The following C14orf39 variants were observed in gnomAD, a reference collection of about 807,000 sequenced individuals.
C14orf39 encodes chromosome 14 open reading frame 39.
Under a neutral mutation model 85.6 loss-of-function variants are expected in C14orf39, and 66 were observed. The observed-to-expected ratio is 0.77, with a 90% CI of 0.63 to 0.95. C14orf39 has a LOEUF of 0.95. C14orf39 is among the 40% of genes least tolerant of loss of function. The pLI is 0.00. For synonymous variants in C14orf39, 242 were observed against 214.0 expected (o/e 1.13, Z -1.14); for missense variants, 735 against 663.9 (o/e 1.11, Z -1.18).
At chr14:60,511,028 G>C in intron 1 of C14orf39, 5 of 1,568,688 alleles carry the variant, frequency 3.2e-6, no homozygotes, top group Non-Finnish European at 4.3e-6. Flanking sequence ...TGGTGGGGGC[G>C]GGCGACGGGC....
intron 5 of C14orf39, among the ~76,000 whole-genome samples, chr14:60,474,860 C>G (rs775527008): frequency 5.7e-4 from 86 of 152,092 alleles, no homozygotes; most frequent in Non-Finnish European, 5.9e-4. Flanking sequence ...GTCTAAAATT[C>G]TCTTTTTTTG....
chr14:60,479,725 AAAGC>A (rs989952966), intron 4 of C14orf39, among the ~76,000 whole-genome samples: 1 of 152,174 alleles, frequency 6.6e-6, no homozygotes, highest in Non-Finnish European at 1.5e-5. Context: ...GTAACTTTAA[AAAGC>A]AAGTTGCAGA....
At chr14:60,493,173 C>T (rs1893017607) in intron 2 of C14orf39, among the ~76,000 whole-genome samples, 1 of 152,204 alleles carries the variant, frequency 6.6e-6, no homozygotes, top group Admixed American at 6.5e-5. Context: ...GCAACACACA[C>T]ATTGACTCCC....
intron 1 of C14orf39, chr14:60,509,471 G>A: frequency 1.9e-6 from 3 of 1,600,814 alleles, no homozygotes; most frequent in East Asian, 2.2e-5. Context: ...GGAAGAGAGC[G>A]GCGATGTGGA....
intron 5 of C14orf39, among the ~76,000 whole-genome samples, chr14:60,475,644 G>C (rs1354531816): frequency 1.3e-5 from 2 of 152,118 alleles, no homozygotes; most frequent in African/African-American, 4.8e-5. Flanking sequence ...TAATAGGAGA[G>C]TGGAGTAGTC....
At chr14:60,456,835 T>TA in intron 15 of C14orf39, 82 bp downstream of exon 15, 2 of 1,243,552 alleles carry the variant, frequency 1.6e-6, no homozygotes, top group Non-Finnish European at 2.2e-6. Context: ...TTAAAGGTAC[T>TA]AAGCATTTTA....
At chr14:60,468,415 A>G (rs995227940) in intron 9 of C14orf39, 30 bp downstream of exon 9, 1 of 1,377,784 alleles carries the variant, frequency 7.3e-7, no homozygotes. Flanking sequence ...ATCTGTTCAC[A>G]TAAAATTTAA....
intron 4 of C14orf39, 47 bp downstream of exon 4, chr14:60,483,644 C>T (rs1163829473): frequency 6.6e-7 from 1 of 1,524,454 alleles, no homozygotes; most frequent in Non-Finnish European, 8.9e-7. Context: ...AACTCAAAAA[C>T]CCTAAATAAA....
chr14:60,462,303 C>T (rs1409305936), intron 11 of C14orf39, among the ~76,000 whole-genome samples: 1 of 152,024 alleles, frequency 6.6e-6, no homozygotes, highest in African/African-American at 2.4e-5. Context: ...GTGGGATGAT[C>T]CATTGAGCCC....
At chr14:60,513,983 A>T (rs1893328572) in intron 1 of C14orf39, among the ~76,000 whole-genome samples, 1 of 152,220 alleles carries the variant, frequency 6.6e-6, no homozygotes, top group African/African-American at 2.4e-5. Context: ...TTATTTATTT[A>T]ATTTCACTTT....
At chr14:60,471,043 A>G (rs1431706579) in intron 7 of C14orf39, among the ~76,000 whole-genome samples, 1 of 151,926 alleles carries the variant, frequency 6.6e-6, no homozygotes, top group Non-Finnish European at 1.5e-5. Flanking sequence ...GGCATAAGGT[A>G]GGTTTCCAGT....
chr14:60,510,257 T>G (rs1456798132), intron 1 of C14orf39, among the ~76,000 whole-genome samples: 4 of 152,130 alleles, frequency 2.6e-5, no homozygotes, highest in Non-Finnish European at 5.9e-5. Flanking sequence ...AATAAAAAAT[T>G]AAAATCCTAC....
At chr14:60,480,327 C>T (rs1379256100) in intron 4 of C14orf39, among the ~76,000 whole-genome samples, 2 of 152,132 alleles carry the variant, frequency 1.3e-5, no homozygotes, top group African/African-American at 2.4e-5. Context: ...AAGGCTGAGA[C>T]AGGAGAATCA....
chr14:60,476,588 T>C (rs945650626), intron 5 of C14orf39, among the ~76,000 whole-genome samples: 5 of 152,222 alleles, frequency 3.3e-5, no homozygotes, highest in Non-Finnish European at 7.3e-5. Flanking sequence ...CTTTAATACC[T>C]TCAGTTAGCT....
chr14:60,469,058 A>T (rs1053835218), intron 8 of C14orf39, among the ~76,000 whole-genome samples: 8 of 151,426 alleles, frequency 5.3e-5, no homozygotes, highest in Admixed American at 4.6e-4. Flanking sequence ...ATGACATCCA[A>T]ATGTTTCCAA....
At chr14:60,446,032 G>A (rs1890748026) in intron 16 of C14orf39, among the ~76,000 whole-genome samples, 1 of 151,936 alleles carries the variant, frequency 6.6e-6, no homozygotes. Flanking sequence ...AAGACAAAAC[G>A]TACCAGAATC....
At chr14:60,510,451 G>A (rs564488573) in intron 1 of C14orf39, among the ~76,000 whole-genome samples, 9 of 152,310 alleles carry the variant, frequency 5.9e-5, no homozygotes, top group Middle Eastern at 3.4e-3. Context: ...TGAGAAATGG[G>A]AAGTCGAGTT....
chr14:60,453,605 CTGTG>C (rs902049232), intron 16 of C14orf39, among the ~76,000 whole-genome samples: 36 of 151,248 alleles, frequency 2.4e-4, no homozygotes, highest in Admixed American at 1.9e-3. Context: ...GATTTTTTTA[CTGTG>C]TGTATTTTTT....
At position 60,483,710 on chromosome 14, in the gene C14orf39, TCTC is replaced by T. The variant is rs781693237; in HGVS notation, c.211_213del (p.Glu71del). 8 of 1,594,150 alleles carry T rather than the reference TCTC, an allele frequency of 5.0e-6. No homozygotes were observed. Among genetic ancestry groups the T allele is most frequent in the South Asian group, 1.1e-5 (1 of 87,526 alleles). Reference sequence around the variant, plus strand: ...ACTCACTTTCTACAGTTGTCTTTAATCTCCTCACTATGTTTACAGTAATGATCA... The same window carrying T: ...ACTCACTTTCTACAGTTGTCTTTAATCTCACTATGTTTACAGTAATGATCA... On this transcript the variant is annotated inframe_deletion, in exon 4 of 18. Transcript: ENST00000321731.
Sources: allele counts gnomAD v4.1 joint callset (sites outside exome capture counted in the v4.1 genomes callset), GRCh38; gene constraint gnomAD v4.1.1; transcripts MANE v1.5; gene names NCBI Gene and HGNC (gene_info 2026-07-23, HGNC 2026-07-21).